The following PRKG1 variants were observed in gnomAD, a reference collection of about 807,000 sequenced individuals.
The protein encoded by PRKG1 is protein kinase cGMP-dependent 1.
Under a neutral mutation model 88.1 loss-of-function variants are expected in PRKG1, and 35 were observed. The ratio of observed to expected loss-of-function variants is 0.40; its 90% CI spans 0.30 to 0.53. The LOEUF (loss-of-function observed/expected upper bound fraction) is 0.53. PRKG1 is among the 20% of genes least tolerant of loss of function. PRKG1 has a pLI of 0.59. For missense variants in PRKG1, 540 were observed against 839.8 expected, an observed-to-expected ratio of 0.64 and a Z score of 4.41; for synonymous variants, 303 against 292.5, an observed-to-expected ratio of 1.04 and a Z score of -0.37.
chr10:51,575,077 A>G (rs953636105), intron 3 of PRKG1, among the ~76,000 whole-genome samples: 1 of 151,972 alleles, frequency 6.6e-6, no homozygotes, highest in African/African-American at 2.4e-5. Context: ...ATGTTCTGCC[A>G]TTCACGGCTA....
chr10:51,642,223 C>T (rs1258861283), intron 3 of PRKG1, among the ~76,000 whole-genome samples: 2 of 152,152 alleles, frequency 1.3e-5, no homozygotes, highest in East Asian at 3.9e-4. Flanking sequence ...AACTCCTTCT[C>T]CACTAAAAAT....
intron 2 of PRKG1, among the ~76,000 whole-genome samples, chr10:51,220,372 A>G (rs557134058): frequency 6.6e-6 from 1 of 152,360 alleles, no homozygotes; most frequent in East Asian, 1.9e-4. Context: ...TTAAGCCACT[A>G]GGTTTCCATG....
At chr10:52,246,448 A>AT (rs1467831007) in intron 9 of PRKG1, among the ~76,000 whole-genome samples, 1 of 152,128 alleles carries the variant, frequency 6.6e-6, no homozygotes, top group African/African-American at 2.4e-5. Context: ...TCTTGGTCTC[A>AT]TTTTTATACT....
intron 2 of PRKG1, among the ~76,000 whole-genome samples, chr10:51,182,655 G>A (rs1240665313): frequency 6.6e-6 from 1 of 152,134 alleles, no homozygotes; most frequent in African/African-American, 2.4e-5. Context: ...AGGTAATATA[G>A]ATCTAGACAG....
intron 3 of PRKG1, among the ~76,000 whole-genome samples, chr10:51,722,239 A>AC (rs200319166): frequency 0.016 from 2,413 of 152,058 alleles, 71 homozygotes; most frequent in African/African-American, 0.054. Context: ...AAAAAAAAAA[A>AC]AACAACAACA....
At chr10:51,763,082 G>A (rs1018821524) in intron 3 of PRKG1, among the ~76,000 whole-genome samples, 1 of 152,070 alleles carries the variant, frequency 6.6e-6, no homozygotes, top group Non-Finnish European at 1.5e-5. Flanking sequence ...TTAGGAAGAA[G>A]GTTATAATCT....
intron 2 of PRKG1, among the ~76,000 whole-genome samples, chr10:51,359,139 G>A (rs1842426982): frequency 1.3e-5 from 2 of 151,772 alleles, no homozygotes; most frequent in South Asian, 4.1e-4. Context: ...TGACTAAAGG[G>A]TTCATCTGAA....
intron 2 of PRKG1, among the ~76,000 whole-genome samples, chr10:51,253,517 A>G (rs1839478636): frequency 6.6e-6 from 1 of 151,890 alleles, no homozygotes; most frequent in African/African-American, 2.4e-5. Flanking sequence ...GTTTTATTTA[A>G]ACTCTGAGTT....
intron 3 of PRKG1, among the ~76,000 whole-genome samples, chr10:51,781,893 A>AT (rs780746341): frequency 1.4e-5 from 2 of 143,750 alleles, no homozygotes; most frequent in Non-Finnish European, 2.9e-5. Flanking sequence ...GTACTTATTA[A>AT]TTTTTTCTTT....
chr10:51,505,314 A>G (rs1841164318), intron 3 of PRKG1, among the ~76,000 whole-genome samples: 1 of 152,158 alleles, frequency 6.6e-6, no homozygotes, highest in Admixed American at 6.6e-5. Flanking sequence ...CATCCCAGGG[A>G]TGAAGCCCAC....
intron 3 of PRKG1, chr10:51,699,580 A>G: frequency 6.3e-7 from 1 of 1,582,264 alleles, no homozygotes; most frequent in Non-Finnish European, 8.6e-7. Flanking sequence ...CCGATAGCGG[A>G]TTCTTCGAGG....
chr10:51,907,472 T>A (rs756065459), intron 4 of PRKG1, 35 bp from the exon 5 acceptor site: 1 of 1,540,158 alleles, frequency 6.5e-7, no homozygotes, highest in Non-Finnish European at 8.9e-7. Context: ...AAGTTGTGGT[T>A]CATGTGTTCA....
intron 8 of PRKG1, among the ~76,000 whole-genome samples, chr10:52,141,677 G>C (rs761446805): frequency 1.3e-5 from 2 of 152,106 alleles, no homozygotes; most frequent in Admixed American, 6.6e-5. Context: ...CAAAGTAAAA[G>C]AAGTCCAGTC....
At chr10:52,229,586 C>G (rs1036428112) in intron 9 of PRKG1, among the ~76,000 whole-genome samples, 3 of 152,170 alleles carry the variant, frequency 2.0e-5, no homozygotes, top group Non-Finnish European at 4.4e-5. Flanking sequence ...ACATCTCAGA[C>G]TTTGTGAATG....
At chr10:51,899,671 G>GTATATATATATATATATA (rs57320165) in intron 4 of PRKG1, among the ~76,000 whole-genome samples, 1,776 of 119,998 alleles carry the variant, frequency 0.015, 48 homozygotes, top group Admixed American at 0.022. Flanking sequence ...AAAGAAAAAT[G>GTATATATATATATATATA]TATATATATA....
chr10:51,273,519 G>T (rs1452879541), intron 2 of PRKG1, among the ~76,000 whole-genome samples: 1 of 152,124 alleles, frequency 6.6e-6, no homozygotes. Flanking sequence ...GAGAGACCCT[G>T]TCTCTAAATA....
intron 3 of PRKG1, among the ~76,000 whole-genome samples, chr10:51,601,022 G>C (rs193241689): frequency 1.3e-5 from 2 of 151,574 alleles, no homozygotes; most frequent in African/African-American, 4.9e-5. Context: ...GAAGAAGGGA[G>C]GGAGGGAGAG....
At chr10:52,105,870 A>G (rs190052061) in intron 7 of PRKG1, among the ~76,000 whole-genome samples, 15 of 151,898 alleles carry the variant, frequency 9.9e-5, no homozygotes, top group Admixed American at 7.9e-4. Context: ...TTTTGGTTAC[A>G]TGGATACGTT....
intron 2 of PRKG1, among the ~76,000 whole-genome samples, chr10:51,324,236 G>A (rs35225050): frequency 6.6e-6 from 1 of 151,960 alleles, no homozygotes; most frequent in Non-Finnish European, 1.5e-5. Flanking sequence ...TTAACCAACT[G>A]TTCTTCATTC....
Sources: gnomAD v4.1 joint callset for allele counts (sites outside exome capture counted in the v4.1 genomes callset) on GRCh38, gnomAD v4.1.1 for gene constraint, MANE v1.5 for transcripts, NCBI Gene and HGNC (gene_info 2026-07-23, HGNC 2026-07-21) for gene names.